The following OTOP1 variants were observed in gnomAD, a reference collection of about 807,000 sequenced individuals.
The protein encoded by OTOP1 is otopetrin 1.
A neutral mutation model predicts 52.9 loss-of-function variants in OTOP1; 59 were observed. The observed-to-expected ratio is 1.12, with a 90% CI of 0.91 to 1.39. OTOP1 has a LOEUF of 1.39. Among genes scored for constraint, OTOP1 ranks in the 40% most tolerant of loss-of-function variants. The pLI, the probability that OTOP1 is intolerant of heterozygous loss-of-function variation, is 0.00. For synonymous variants in OTOP1, 317 were observed against 337.7 expected (o/e 0.94, Z 0.67); for missense variants, 761 against 800.9 (o/e 0.95, Z 0.60).
chr4:4,194,138 A>T (rs143725361), intron 5 of OTOP1, among the ~76,000 whole-genome samples: 1 of 152,190 alleles, frequency 6.6e-6, no homozygotes, highest in Non-Finnish European at 1.5e-5. Context: ...GCAATGAGCC[A>T]AGATCATGCC....
At chr4:4,206,446 T>C (rs1311461068) in intron 2 of OTOP1, among the ~76,000 whole-genome samples, 1 of 152,244 alleles carries the variant, frequency 6.6e-6, no homozygotes, top group Admixed American at 6.5e-5. Context: ...AGTAGCCTGC[T>C]TGACATTAAT....
chr4:4,199,741 T>C (rs1716738035), intron 4 of OTOP1, among the ~76,000 whole-genome samples: 1 of 152,112 alleles, frequency 6.6e-6, no homozygotes, highest in African/African-American at 2.4e-5. Context: ...AAGAAAGTAA[T>C]CTCGTTTCAA....
intron 3 of OTOP1, among the ~76,000 whole-genome samples, chr4:4,205,333 A>T (rs1265725339): frequency 6.6e-6 from 1 of 152,230 alleles, no homozygotes; most frequent in Non-Finnish European, 1.5e-5. Context: ...ATCAAGCGGC[A>T]GAAGGTTAAA....
intron 1 of OTOP1, among the ~76,000 whole-genome samples, 161 bp downstream of exon 1, chr4:4,226,301 G>T (rs55839893): frequency 0.3 from 34,255 of 115,758 alleles, 4,050 homozygotes; most frequent in African/African-American, 0.47. Flanking sequence ...AGAGAGAGAG[G>T]AAAGGAAGGG....
chr4:4,223,524 A>G (rs1354360266), intron 1 of OTOP1, among the ~76,000 whole-genome samples: 1 of 152,172 alleles, frequency 6.6e-6, no homozygotes, highest in Non-Finnish European at 1.5e-5. Context: ...CAACATAAGG[A>G]AGAGCATTTC....
At chr4:4,221,025 T>C (rs1340326258) in intron 1 of OTOP1, among the ~76,000 whole-genome samples, 1 of 149,456 alleles carries the variant, frequency 6.7e-6, no homozygotes, top group Non-Finnish European at 1.5e-5. Context: ...ACTTACTTTA[T>C]TTATATATTA....
In OTOP1 at chr4:4,226,867, T is replaced by C; in HGVS notation, c.-3A>G. 1 of 1,322,286 alleles carries C rather than the reference T, an allele frequency of 7.6e-7. No homozygotes were observed. The highest frequency in any genetic ancestry group is 9.6e-7 in the Non-Finnish European group (1 of 1,039,892). The allele number at this position is 1,322,286 out of a possible 1,614,324, so 81.9% of individuals were successfully genotyped here. A position where few individuals can be genotyped will look rare whatever the true frequency, so the allele number is the denominator to read the frequency against. ...GGCGACCCCAGGCCCTCGAGCATCT[T>C]CGAGACACCCGCGCCAAGTCTGGTC... is the stretch of plus-strand genomic sequence containing the variant. On this transcript the variant is annotated 5_prime_UTR_variant, in exon 1 of 6. Coordinates refer to ENST00000296358, the MANE Select transcript of OTOP1 (RefSeq NM_177998.3).
At chr4:4,222,907 G>T (rs541324514) in intron 1 of OTOP1, among the ~76,000 whole-genome samples, 1 of 152,310 alleles carries the variant, frequency 6.6e-6, no homozygotes, top group East Asian at 1.9e-4. Context: ...CCACAGGAAT[G>T]GCCAGGGCTT....
intron 2 of OTOP1, 120 bp downstream of exon 2, chr4:4,212,748 G>T (rs1717052624): frequency 1.8e-6 from 2 of 1,107,248 alleles, no homozygotes; most frequent in Non-Finnish European, 2.6e-6. Flanking sequence ...TCAGTTCACT[G>T]CAGTTCACAG....
chr4:4,190,044 C>A (rs958080014), intron 5 of OTOP1, among the ~76,000 whole-genome samples: 1 of 152,188 alleles, frequency 6.6e-6, no homozygotes, highest in Non-Finnish European at 1.5e-5. Context: ...TTGGGGTGGT[C>A]TCTTCCATAG....
Position 4,226,899 on chromosome 4 carries a change from G to T in OTOP1, c.-35C>A. 1 of 1,296,830 alleles carries T rather than the reference G, an allele frequency of 7.7e-7. No individual in the cohort carries two copies. Among genetic ancestry groups the T allele is most frequent in the Non-Finnish European group, 9.8e-7 (1 of 1,025,384 alleles). The allele number at this position is 1,296,830 out of a possible 1,614,324, so 80.3% of individuals were successfully genotyped here. ...ACCCGCGCCAAGTCTGGTCCCGGGG[G>T]TGGCTGCCGTCGGGCCCCGCCTGCG... On this transcript the variant is annotated 5_prime_UTR_variant, in exon 1 of 6. Transcript: ENST00000296358.
chr4:4,213,149 G>T, intron 1 of OTOP1, 145 bp from the exon 2 acceptor site: 2 of 1,049,984 alleles, frequency 1.9e-6, no homozygotes, highest in South Asian at 1.8e-5. Flanking sequence ...ACCATTCAAT[G>T]GGAAAAGGGC....
intron 3 of OTOP1, among the ~76,000 whole-genome samples, chr4:4,204,773 TTC>T (rs1716862803): frequency 6.6e-6 from 1 of 151,910 alleles, no homozygotes; most frequent in Non-Finnish European, 1.5e-5. Context: ...GCTTTCTTTC[TTC>T]TTTTTTTTCT....
chr4:4,213,491 T>A (rs1220465830), intron 1 of OTOP1, among the ~76,000 whole-genome samples: 6 of 152,154 alleles, frequency 3.9e-5, no homozygotes, highest in African/African-American at 1.4e-4. Flanking sequence ...AAATTATATA[T>A]CTAATAAGTC....
intron 5 of OTOP1, among the ~76,000 whole-genome samples, chr4:4,196,509 A>G (rs1473846747): frequency 6.6e-6 from 1 of 152,238 alleles, no homozygotes; most frequent in Non-Finnish European, 1.5e-5. Flanking sequence ...GTGAGCCAAG[A>G]TCGCACCATT....
intron 1 of OTOP1, 34 bp downstream of exon 1, chr4:4,226,428 G>T (rs940283570): frequency 7.1e-7 from 1 of 1,402,242 alleles, no homozygotes; most frequent in Admixed American, 3.1e-5. Flanking sequence ...CGGGCGAGGA[G>T]GCGGAGACCC....
At chr4:4,200,494 G>A (rs1286642381) in intron 4 of OTOP1, among the ~76,000 whole-genome samples, 2 of 149,052 alleles carry the variant, frequency 1.3e-5, no homozygotes, top group African/African-American at 2.5e-5. Flanking sequence ...AAAAATCTGA[G>A]AAAAACTATA....
At chr4:4,205,967 G>A (rs1716897258) in intron 3 of OTOP1, 105 bp downstream of exon 3, 1 of 954,862 alleles carries the variant, frequency 1.0e-6, no homozygotes, top group Non-Finnish European at 1.6e-6. Flanking sequence ...ACTGAGGGGA[G>A]AGTTGGTCTG....
intron 1 of OTOP1, among the ~76,000 whole-genome samples, chr4:4,222,881 T>C (rs1190196712): frequency 6.6e-6 from 1 of 152,204 alleles, no homozygotes; most frequent in Non-Finnish European, 1.5e-5. Context: ...ATTAGCTTCT[T>C]GCTTCTTTGA....
Sources: gnomAD v4.1 joint callset for allele counts (sites outside exome capture counted in the v4.1 genomes callset) on GRCh38, gnomAD v4.1.1 for gene constraint, MANE v1.5 for transcripts, NCBI Gene and HGNC (gene_info 2026-07-23, HGNC 2026-07-21) for gene names.